Variants in NEK11 observed in about 807,000 individuals in gnomAD.
NEK11 encodes serine/threonine-protein kinase Nek11.
NEK11 carries 72 observed loss-of-function variants against 80.7 expected under a neutral mutation model. The ratio of observed to expected loss-of-function variants is 0.89; its 90% CI spans 0.74 to 1.08. The LOEUF is 1.08. NEK11 is among the 50% of genes least tolerant of loss of function. The pLI, the probability that NEK11 is intolerant of heterozygous loss-of-function variation, is 0.00. For missense variants in NEK11, 764 were observed against 763.6 expected (o/e 1.00, Z -0.01); for synonymous variants, 251 against 260.7 (o/e 0.96, Z 0.36).
intron 17 of NEK11, among the ~76,000 whole-genome samples, chr3:131,286,532 A>G (rs187837499): frequency 6.6e-6 from 1 of 152,346 alleles, no homozygotes; most frequent in African/African-American, 2.4e-5. Flanking sequence ...AAATAAATGG[A>G]TACAGCTGTT....
At chr3:131,337,359 G>A (rs149646535) in intron 17 of NEK11, among the ~76,000 whole-genome samples, 7 of 151,618 alleles carry the variant, frequency 4.6e-5, no homozygotes, top group East Asian at 3.9e-4. Context: ...GTAAACTATC[G>A]CAACGACAAA....
chr3:131,189,988 C>A (rs766942570), intron 14 of NEK11, among the ~76,000 whole-genome samples: 1 of 152,098 alleles, frequency 6.6e-6, no homozygotes, highest in South Asian at 2.1e-4. Flanking sequence ...GCTCACTTAC[C>A]GTAAGACTTT....
At chr3:131,034,091 A>G (rs1490070311) in intron 3 of NEK11, among the ~76,000 whole-genome samples, 1 of 152,216 alleles carries the variant, frequency 6.6e-6, no homozygotes, top group Non-Finnish European at 1.5e-5. Context: ...GTATCTTTTC[A>G]AAAAATCAAA....
At chr3:131,039,632 C>T (rs988320886) in intron 3 of NEK11, among the ~76,000 whole-genome samples, 3 of 152,150 alleles carry the variant, frequency 2.0e-5, no homozygotes, top group Non-Finnish European at 4.4e-5. Flanking sequence ...TTGGCCAGCA[C>T]CCAACTTTAT....
intron 17 of NEK11, among the ~76,000 whole-genome samples, chr3:131,277,914 AC>A (rs1188600807): frequency 6.6e-6 from 1 of 152,242 alleles, no homozygotes; most frequent in African/African-American, 2.4e-5. Flanking sequence ...AGTTTATGGC[AC>A]ATAGTAAGTG....
At chr3:131,258,149 C>T (rs1025265103) in intron 16 of NEK11, among the ~76,000 whole-genome samples, 3 of 150,588 alleles carry the variant, frequency 2.0e-5, no homozygotes, top group Non-Finnish European at 4.4e-5. Flanking sequence ...ATATAATGGA[C>T]TCTGGGGACT....
intron 14 of NEK11, among the ~76,000 whole-genome samples, chr3:131,187,149 G>A (rs114716357): frequency 0.01 from 1,532 of 152,134 alleles, 28 homozygotes; most frequent in African/African-American, 0.034. Context: ...AAATCCACTA[G>A]CCACATGTGG....
chr3:131,134,005 G>T, intron 7 of NEK11, 49 bp downstream of exon 7: 3 of 1,489,848 alleles, frequency 2.0e-6, no homozygotes, highest in Non-Finnish European at 2.7e-6. Context: ...CTAAAAGAAT[G>T]GTACATTTTG....
At position 131,211,761 on chromosome 3, in the gene NEK11, G is replaced by A. The variant is rs189467045; in HGVS notation, c.1400-16767G>A. Among the ~76,000 whole-genome samples, 404 of 151,982 alleles carry A rather than the reference G, an allele frequency of 2.7e-3. 3 individuals carry two copies. Among genetic ancestry groups the A allele is most frequent in the Admixed American group, 4.5e-3 (68 of 15,254 alleles). On this transcript the variant is annotated intron_variant, in intron 14 of 17. Transcript: ENST00000383366. Reference sequence around the variant, plus strand: ...ACCCTCTCTTCCACTTGATGGAATCGGCTACTGAAGCTTGTGCATGCGTCA... The same window carrying A: ...ACCCTCTCTTCCACTTGATGGAATCAGCTACTGAAGCTTGTGCATGCGTCA...
intron 5 of NEK11, among the ~76,000 whole-genome samples, chr3:131,118,718 G>A (rs1357973629): frequency 6.6e-6 from 1 of 152,172 alleles, no homozygotes; most frequent in African/African-American, 2.4e-5. Flanking sequence ...TATGTGTCCA[G>A]GAATTTATCC....
At chr3:131,329,321 G>A (rs1347083382) in intron 17 of NEK11, 1 of 151,838 alleles carries the variant, frequency 6.6e-6, no homozygotes, top group Non-Finnish European at 1.5e-5. Flanking sequence ...AGAATACTAG[G>A]GATGCATATA....
intron 14 of NEK11, among the ~76,000 whole-genome samples, chr3:131,218,757 G>C (rs568955000): frequency 6.6e-6 from 1 of 152,342 alleles, no homozygotes; most frequent in Admixed American, 6.5e-5. Flanking sequence ...ACTGGCATGA[G>C]ACGGTATCTC....
intron 3 of NEK11, among the ~76,000 whole-genome samples, chr3:131,075,218 TTTAA>T (rs1222935384): frequency 6.6e-6 from 1 of 152,190 alleles, no homozygotes; most frequent in East Asian, 1.9e-4. Context: ...GTTCCACGGG[TTTAA>T]TTGTTAAAAA....
At chr3:131,285,813 T>G (rs2096463492) in intron 17 of NEK11, among the ~76,000 whole-genome samples, 1 of 152,220 alleles carries the variant, frequency 6.6e-6, no homozygotes, top group Non-Finnish European at 1.5e-5. Flanking sequence ...TTAACACATT[T>G]GTACCCTAAT....
chr3:131,275,433 G>A (rs61211514), intron 17 of NEK11, among the ~76,000 whole-genome samples: 8,261 of 152,028 alleles, frequency 0.054, 729 homozygotes, highest in African/African-American at 0.19. Flanking sequence ...AAATTAATTG[G>A]CCAAGATGCA....
At chr3:131,257,344 C>T (rs929675361) in intron 16 of NEK11, among the ~76,000 whole-genome samples, 3 of 152,028 alleles carry the variant, frequency 2.0e-5, no homozygotes, top group Non-Finnish European at 2.9e-5. Flanking sequence ...ACCCTAATTA[C>T]ATGGGAGACT....
chr3:131,307,919 A>G (rs2096738679), intron 17 of NEK11, among the ~76,000 whole-genome samples: 1 of 152,202 alleles, frequency 6.6e-6, no homozygotes, highest in African/African-American at 2.4e-5. Context: ...AATTTCAAGT[A>G]CCTAGAGAAT....
At chr3:131,214,667 C>T (rs2094754499) in intron 14 of NEK11, among the ~76,000 whole-genome samples, 1 of 149,794 alleles carries the variant, frequency 6.7e-6, no homozygotes, top group Admixed American at 6.8e-5. Context: ...GATCATGGAG[C>T]TTATTTCTGT....
At chr3:131,203,570 A>G (rs944940690) in intron 14 of NEK11, among the ~76,000 whole-genome samples, 1 of 150,632 alleles carries the variant, frequency 6.6e-6, no homozygotes, top group Non-Finnish European at 1.5e-5. Context: ...CCTAAAACTT[A>G]AAGTATAATA....
Sources: allele counts gnomAD v4.1 joint callset (sites outside exome capture counted in the v4.1 genomes callset), GRCh38; gene constraint gnomAD v4.1.1; transcripts MANE v1.5; gene names NCBI Gene and HGNC (gene_info 2026-07-23, HGNC 2026-07-21).